LCMT1: variants seen among roughly 807,000 people sequenced by gnomAD.
The protein encoded by LCMT1 is leucine carboxyl methyltransferase 1, also known as [Phosphatase 2A protein]-leucine-carboxy methyltransferase 1.
Under a neutral mutation model 47.7 loss-of-function variants are expected in LCMT1, and 32 were observed. The ratio of observed to expected loss-of-function variants is 0.67; its 90% CI spans 0.51 to 0.90. The LOEUF is 0.90. Ranked by LOEUF, LCMT1 falls within the 40% of genes least tolerant of loss-of-function variation. The pLI, the probability that LCMT1 is intolerant of heterozygous loss-of-function variation, is 0.00. For synonymous variants in LCMT1, 152 were observed against 149.7 expected, an observed-to-expected ratio of 1.02 and a Z score of -0.11; for missense variants, 375 against 415.2, an observed-to-expected ratio of 0.90 and a Z score of 0.84.
At chr16:25,138,804 C>A (rs915322188) in intron 3 of LCMT1, among the ~76,000 whole-genome samples, 1 of 152,226 alleles carries the variant, frequency 6.6e-6, no homozygotes, top group Non-Finnish European at 1.5e-5. Context: ...ATTGTTACAG[C>A]TCACAAGCTC....
intron 9 of LCMT1, 118 bp downstream of exon 9, chr16:25,170,923 AAAAC>A (rs1055642458): frequency 8.8e-5 from 63 of 716,472 alleles, no homozygotes; most frequent in East Asian, 1.6e-4. Context: ...TAAAAAACAA[AAAAC>A]AAACAAACAA....
intron 4 of LCMT1, chr16:25,148,169 G>A (rs897287535): frequency 1.3e-5 from 2 of 152,394 alleles, no homozygotes; most frequent in African/African-American, 2.4e-5. Flanking sequence ...CCCCAAAACC[G>A]AGTGCCAGCT....
rs766560473 is a variant in LCMT1 at position 25,170,761 on chromosome 16, C to T, written c.840C>T (p.Asp280=). 2 of 1,613,552 alleles carry T rather than the reference C, an allele frequency of 1.2e-6. No homozygotes were observed. Among genetic ancestry groups the T allele is most frequent in the Non-Finnish European group, 1.7e-6 (2 of 1,179,612 alleles). Reference sequence around the variant, plus strand: ...GGTGGGAAACAGCATCGGCCGTCGACATGATGGAGTTGTACAACAGGTTAC... The same window carrying T: ...GGTGGGAAACAGCATCGGCCGTCGATATGATGGAGTTGTACAACAGGTTAC... ...SNGWETASAV[D]MMELYNRLPR... is the part of the protein sequence containing the mutation. Residue 280 remains aspartate, a synonymous_variant, in exon 9 of 11, where the codon GAC becomes GAT. Coordinates refer to ENST00000399069, the MANE Select transcript of LCMT1 (RefSeq NM_016309.3).
intron 2 of LCMT1, among the ~76,000 whole-genome samples, chr16:25,131,499 A>G (rs1421383525): frequency 6.6e-6 from 1 of 152,258 alleles, no homozygotes; most frequent in Non-Finnish European, 1.5e-5. Flanking sequence ...AATGACATAC[A>G]ATGTACAATT....
chr16:25,121,634 GA>G (rs1204297331), intron 1 of LCMT1, among the ~76,000 whole-genome samples: 2 of 152,116 alleles, frequency 1.3e-5, no homozygotes, highest in Non-Finnish European at 2.9e-5. Context: ...AGTCATGGCG[GA>G]AGGCAAAGGA....
At chr16:25,155,414 G>T (rs758772165) in intron 5 of LCMT1, among the ~76,000 whole-genome samples, 1 of 151,984 alleles carries the variant, frequency 6.6e-6, no homozygotes, top group Non-Finnish European at 1.5e-5. Flanking sequence ...GGGCATGGTG[G>T]TGCACGCCTA....
intron 6 of LCMT1, among the ~76,000 whole-genome samples, chr16:25,161,997 TG>T (rs772526572): frequency 1.4e-4 from 22 of 152,002 alleles, no homozygotes; most frequent in Non-Finnish European, 3.1e-4. Flanking sequence ...GACAAGGATG[TG>T]GGGGATAGGG....
At chr16:25,162,608 A>T (rs1961465529) in intron 6 of LCMT1, among the ~76,000 whole-genome samples, 1 of 151,746 alleles carries the variant, frequency 6.6e-6, no homozygotes, top group Non-Finnish European at 1.5e-5. Context: ...AAAAAAGAAA[A>T]GAAAAGAAAA....
intron 10 of LCMT1, among the ~76,000 whole-genome samples, chr16:25,176,745 A>G (rs1961957562): frequency 6.7e-6 from 1 of 149,398 alleles, no homozygotes. Flanking sequence ...TATTTTTGGT[A>G]GAGATGGGGT....
intron 2 of LCMT1, among the ~76,000 whole-genome samples, chr16:25,130,564 T>G (rs1255251296): frequency 6.6e-6 from 1 of 152,110 alleles, no homozygotes; most frequent in Non-Finnish European, 1.5e-5. Context: ...GGTGGGAAGA[T>G]CGGCTCAGGC....
intron 9 of LCMT1, among the ~76,000 whole-genome samples, chr16:25,173,646 G>T (rs1209927265): frequency 6.6e-6 from 1 of 152,028 alleles, no homozygotes; most frequent in African/African-American, 2.4e-5. Flanking sequence ...ATTTTATTCT[G>T]TATACTTTTT....
chr16:25,165,821 C>T (rs1339455922), intron 7 of LCMT1, among the ~76,000 whole-genome samples: 1 of 152,084 alleles, frequency 6.6e-6, no homozygotes, highest in East Asian at 1.9e-4. Flanking sequence ...CCGGCTGACC[C>T]TCTGTGCCTG....
chr16:25,122,476 G>A (rs1419126132), intron 1 of LCMT1, among the ~76,000 whole-genome samples: 7 of 151,902 alleles, frequency 4.6e-5, no homozygotes, highest in African/African-American at 1.7e-4. Flanking sequence ...GCCCGGCTGT[G>A]TTTTTTTAAT....
At chr16:25,121,370 A>G (rs1959981659) in intron 1 of LCMT1, among the ~76,000 whole-genome samples, 1 of 152,164 alleles carries the variant, frequency 6.6e-6, no homozygotes, top group Admixed American at 6.5e-5. Context: ...AGATCATGCC[A>G]CTGCACTCCA....
chr16:25,120,736 TTTGTTTTTTTTTTTTG>T lies in LCMT1; in HGVS notation c.114-7736_114-7721del, dbSNP rs1190489165. Among the ~76,000 whole-genome samples the T allele has an allele frequency of 3.0e-3, 423 of 140,806 alleles. 14 individuals are homozygous for T. Among genetic ancestry groups the T allele is most frequent in the African/African-American group, 0.011 (405 of 36,636 alleles). The allele number at this position is 140,806 out of a possible 152,430, so 92.4% of individuals were successfully genotyped here. A position where few individuals can be genotyped will look rare whatever the true frequency, so the allele number is the denominator to read the frequency against. ...GAGACACCGCACCTGGCCTTGTTTTTTTGTTTTTTTTTTTTGTTTTTTTTTTTTTGAGATGAGGTCT... is the reference window on the plus strand; with the variant it reads ...GAGACACCGCACCTGGCCTTGTTTTTTTTTTTTTTTTTTGAGATGAGGTCT... On this transcript the variant is annotated intron_variant, in intron 1 of 10. Coordinates refer to ENST00000399069, the MANE Select transcript of LCMT1 (RefSeq NM_016309.3).
At chr16:25,133,315 T>C (rs901361808) in intron 3 of LCMT1, among the ~76,000 whole-genome samples, 1 of 151,456 alleles carries the variant, frequency 6.6e-6, no homozygotes, top group Non-Finnish European at 1.5e-5. Context: ...TGTTAGAGTA[T>C]GAATGCAGGT....
In LCMT1 at chr16:25,128,274, G is replaced by A. The variant is rs139372299; in HGVS notation, c.114-201G>A. ...AGGCCCACTGTGGAAAATGTGATGGGTGGTGTAACGTGAACATAAAGATGA... is the reference window on the plus strand; with the variant it reads ...AGGCCCACTGTGGAAAATGTGATGGATGGTGTAACGTGAACATAAAGATGA... On this transcript the variant is annotated intron_variant, in intron 1 of 10. Coordinates refer to ENST00000399069, the MANE Select transcript of LCMT1 (RefSeq NM_016309.3). Among the ~76,000 whole-genome samples the A allele has an allele frequency of 1.4e-3, 206 of 152,350 alleles. 1 individual carries two copies. The highest frequency in any genetic ancestry group is 4.8e-3 in the African/African-American group (199 of 41,576).
intron 1 of LCMT1, among the ~76,000 whole-genome samples, chr16:25,120,365 A>G (rs539125043): frequency 6.6e-6 from 1 of 150,918 alleles, no homozygotes; most frequent in East Asian, 2.0e-4. Context: ...CTGGGATTAC[A>G]GGCATGCGCC....
At chr16:25,138,322 GTC>G (rs1471419583) in intron 3 of LCMT1, among the ~76,000 whole-genome samples, 1 of 152,180 alleles carries the variant, frequency 6.6e-6, no homozygotes, top group Non-Finnish European at 1.5e-5. Flanking sequence ...TGCTGGGACA[GTC>G]TGGGCTGGAG....
Sources: gnomAD v4.1 joint callset for allele counts (sites outside exome capture counted in the v4.1 genomes callset) on GRCh38, gnomAD v4.1.1 for gene constraint, MANE v1.5 for transcripts, NCBI Gene and HGNC (gene_info 2026-07-23, HGNC 2026-07-21) for gene names.